Variants in NLRP12 observed in about 807,000 individuals in gnomAD.
NLRP12 encodes NLR family pyrin domain containing 12, also known as NACHT, LRR and PYD domains-containing protein 12.
In NLRP12, 108 loss-of-function variants were observed where a neutral mutation model predicts 91.2. That is an observed-to-expected ratio of 1.18 (90% confidence interval 1.01 to 1.39). The LOEUF (loss-of-function observed/expected upper bound fraction) is 1.39, where lower values mean the gene tolerates loss of function less well. NLRP12 is among the 40% of genes most tolerant of loss of function. The pLI is 0.00. For missense variants in NLRP12, 1,530 were observed against 1,352.7 expected (o/e 1.13, Z -2.06); for synonymous variants, 613 against 566.7 (o/e 1.08, Z -1.16).
At chr19:53,819,660 C>CACGCGTATATATATGT (rs1568696771) in intron 1 of NLRP12, among the ~76,000 whole-genome samples, 1 of 21,136 alleles carries the variant, frequency 4.7e-5, no homozygotes, top group Non-Finnish European at 1.0e-4. Flanking sequence ...TATATATACA[C>CACGCGTATATATATGT]ATGTATACAT....
intron 6 of NLRP12, among the ~76,000 whole-genome samples, chr19:53,803,211 C>T (rs1160215674): frequency 1.3e-5 from 2 of 151,040 alleles, no homozygotes; most frequent in Admixed American, 1.3e-4. Context: ...GACGGAGTTT[C>T]GTTTTTGTTG....
At position 53,801,342 on chromosome 19, in the gene NLRP12, TGA is replaced by T. The variant is rs1342078475; in HGVS notation, c.2639_2640del (p.Leu880GlnfsTer15). The T allele has an allele frequency of 3.1e-6, 5 of 1,613,706 alleles. No homozygotes were observed. In the African/African-American group the frequency reaches 5.3e-5, roughly 17 times the overall value. On this transcript the variant is annotated frameshift_variant, in exon 7 of 10. Coordinates refer to ENST00000324134, the MANE Select transcript of NLRP12 (RefSeq NM_144687.4). LOFTEE classifies it high-confidence loss of function. Reference sequence around the variant, plus strand: ...AGCTCTCTCAGGCTCTGGTTCACACTGAGAGTTGAGGCCAGCTCGTCACAGGC... The same window carrying T: ...AGCTCTCTCAGGCTCTGGTTCACACTGAGTTGAGGCCAGCTCGTCACAGGC... ...AAACDELASTLSVNQSLRELD... is the reference protein window; with the variant it reads ...AAACDELASTXSVNQSLRELD...
At position 53,823,970 on chromosome 19, in the gene NLRP12, C is replaced by T; in HGVS notation, c.205G>A (p.Ala69Thr). 7 of 1,614,206 alleles carry T rather than the reference C, an allele frequency of 4.3e-6. No individual in the cohort carries two copies. Among genetic ancestry groups the T allele is most frequent in the South Asian group, 1.1e-5 (1 of 91,086 alleles). ...LLITHFGPEE[A>T]WRLALSTFER... ...AAGGTGCTGAGAGCCAACCTCCAGG[C>T]CTCCTCTGGCCCGAAGTGGGTGATG... Residue 69 changes from alanine to threonine, a missense_variant, in exon 1 of 10, where the codon GCC becomes ACC. Physicochemically the swap from Ala to Thr is moderately conservative, Grantham distance 58. Transcript: ENST00000324134.
rs1348451513 is a variant in NLRP12, at chr19:53,823,433, TA to T, written c.289+452del. The stretch of plus-strand genomic sequence containing the variant: ...AATATATGTTTTAAATATATATATT[TA>T]AAATATATGTTTTAAATATATATTT... On this transcript the variant is annotated intron_variant, in intron 1 of 9. Transcript: ENST00000324134. Among the ~76,000 whole-genome samples the T allele has an allele frequency of 2.0e-3, 246 of 121,830 alleles. 1 individual carries two copies. Among genetic ancestry groups the T allele is most frequent in the African/African-American group, 7.1e-3 (236 of 33,144 alleles). The allele number at this position is 121,830 out of a possible 152,430, so 79.9% of individuals were successfully genotyped here.
rs762604819 is a variant in NLRP12, at chr19:53,824,150, C to T, written c.25G>A (p.Gly9Ser). MLRTAGRD[G>S]LCRLSTYLEE... ...AAGTAGGTGGACAGGCGACAGAGGC[C>T]GTCCCTGCCTGCGGTTCGTAGCATG... The change falls in exon 1 of 10, where the codon GGC becomes AGC. Residue 9 changes from glycine to serine, a missense_variant. Gly to Ser is a moderately conservative substitution (Grantham distance 56, BLOSUM62 0). Coordinates refer to ENST00000324134, the MANE Select transcript of NLRP12 (RefSeq NM_144687.4). 2.4e-5 allele frequency: 38 copies of T among 1,614,060 alleles called. No homozygotes were observed. In the East Asian group the frequency reaches 4.9e-4, roughly 21 times the overall value.
At chr19:53,805,006 G>A (rs1490114827) in intron 5 of NLRP12, among the ~76,000 whole-genome samples, 1 of 152,068 alleles carries the variant, frequency 6.6e-6, no homozygotes, top group Non-Finnish European at 1.5e-5. Flanking sequence ...CCCCAACTTG[G>A]GCAACATAGC....
intron 2 of NLRP12, among the ~76,000 whole-genome samples, chr19:53,812,919 C>T (rs1440852844): frequency 7.2e-6 from 1 of 138,172 alleles, no homozygotes; most frequent in Non-Finnish European, 1.5e-5. Flanking sequence ...GTTGCTCTGT[C>T]CCCCAGGCTG....
chr19:53,807,781 G>C (rs1028189227), intron 3 of NLRP12, 116 bp from the exon 4 acceptor site: 9 of 1,239,748 alleles, frequency 7.3e-6, no homozygotes, highest in Non-Finnish European at 9.2e-6. Context: ...ACGGAGTTTC[G>C]CTCTTGTTGC....
chr19:53,816,398 G>C (rs2092160218), intron 1 of NLRP12, among the ~76,000 whole-genome samples: 1 of 150,100 alleles, frequency 6.7e-6, no homozygotes. Flanking sequence ...AGTCTCTGTA[G>C]CTTCATGTGA....
At chr19:53,798,145 T>G in intron 8 of NLRP12, 98 bp downstream of exon 8, 1 of 1,289,114 alleles carries the variant, frequency 7.8e-7, no homozygotes, top group Non-Finnish European at 1.1e-6. Flanking sequence ...TCTTTTGTAG[T>G]GAAGCAGGAT....
rs199966186 is a variant in NLRP12 at position 53,807,526 on chromosome 19, T to G, written c.2212A>C (p.Arg738=). ...TTCTGAAGTTTGCAGTTGGGGTGTCTGAGTCCTTGACAGAGCAGCTTCACC... is the reference window on the plus strand; with the variant it reads ...TTCTGAAGTTTGCAGTTGGGGTGTCGGAGTCCTTGACAGAGCAGCTTCACC... ...RGVKLLCQGL[R]HPNCKLQNLR... The change falls in exon 4 of 10, where the codon AGA becomes CGA. Residue 738 remains arginine (R), a synonymous_variant. Transcript: ENST00000324134. 420 of 1,613,948 alleles carry G rather than the reference T, an allele frequency of 2.6e-4. No homozygotes were observed. Among genetic ancestry groups the G allele is most frequent in the Non-Finnish European group, 3.3e-4 (388 of 1,179,990 alleles).
At chr19:53,811,357 C>T (rs2092073481) in intron 2 of NLRP12, 69 bp from the exon 3 acceptor site, 9 of 1,567,572 alleles carry the variant, frequency 5.7e-6, no homozygotes, top group South Asian at 1.1e-5. Context: ...CGAGGTAAAG[C>T]GCTCCTCATG....
chr19:53,798,480 T>C, intron 7 of NLRP12, 67 bp from the exon 8 acceptor site: 2 of 1,514,224 alleles, frequency 1.3e-6, no homozygotes, highest in East Asian at 2.4e-5. Flanking sequence ...GGGAGGGCCC[T>C]GTGCCAAGCC....
At chr19:53,823,498 A>AAAACATATATTTTAAAACATAT (rs1568703260) in intron 1 of NLRP12, among the ~76,000 whole-genome samples, 322 of 56,660 alleles carry the variant, frequency 5.7e-3, no homozygotes, top group Middle Eastern at 0.014. Context: ...AAATATATTT[A>AAAACATATATTTTAAAACATAT]TTTAAAATAT....
rs576336117 is a variant in NLRP12 at position 53,819,611 on chromosome 19, A to G, written c.289+4275T>C. On this transcript the variant is annotated intron_variant, in intron 1 of 9. Transcript: ENST00000324134. ...TATACGTATATACGCATATATATGT[A>G]TGTATACGTATATACGCGTATATAT... 2.0e-4 allele frequency among the ~76,000 whole-genome samples: 15 copies of G among 74,520 alleles called. 1 individual carries two copies. Among genetic ancestry groups the G allele is most frequent in the African/African-American group, 5.0e-4 (10 of 20,078 alleles). The allele number at this position is 74,520 out of a possible 152,430, so 48.9% of individuals were successfully genotyped here. A position where few individuals can be genotyped will look rare whatever the true frequency, so the allele number is the denominator to read the frequency against.
intron 3 of NLRP12, among the ~76,000 whole-genome samples, chr19:53,809,224 T>TAAA (rs3973673): frequency 4.5e-5 from 6 of 133,662 alleles, no homozygotes; most frequent in African/African-American, 1.7e-4. Flanking sequence ...AGACTTAGTT[T>TAAA]AAAAAAAAAA....
At chr19:53,794,861 C>T (rs9783958) in intron 9 of NLRP12, among the ~76,000 whole-genome samples, 1 of 151,436 alleles carries the variant, frequency 6.6e-6, no homozygotes, top group Non-Finnish European at 1.5e-5. Context: ...CCGCTCCCAG[C>T]CGTAAGTTTT....
chr19:53,802,531 C>T (rs1302241201), intron 6 of NLRP12, among the ~76,000 whole-genome samples: 1 of 151,872 alleles, frequency 6.6e-6, no homozygotes, highest in African/African-American at 2.4e-5. Flanking sequence ...CACGGTGAAA[C>T]CCCGTCTCTA....
rs531637211 is a variant in NLRP12 at position 53,801,442 on chromosome 19, C to CTTTTTTTTT, written c.2586-46_2586-45insAAAAAAAAA. 7 of 1,304,868 alleles carry CTTTTTTTTT rather than the reference C, an allele frequency of 5.4e-6. No individual in the cohort carries two copies. The African/African-American group carries it at 7.4e-5, about 14-fold the overall frequency. The allele number at this position is 1,304,868 out of a possible 1,614,324, so 80.8% of individuals were successfully genotyped here. A position where few individuals can be genotyped will look rare whatever the true frequency, so the allele number is the denominator to read the frequency against. On this transcript the variant is annotated intron_variant, in intron 6 of 9. Coordinates refer to ENST00000324134, the MANE Select transcript of NLRP12 (RefSeq NM_144687.4). ...ACAAGCATTATGGAGGCTTTCCTTT[C>CTTTTTTTTT]TTTTTCTTTTTTTTTTTTTTTTTTT...
Sources: allele counts gnomAD v4.1 joint callset (sites outside exome capture counted in the v4.1 genomes callset), GRCh38; gene constraint gnomAD v4.1.1; transcripts MANE v1.5; gene names NCBI Gene and HGNC (gene_info 2026-07-23, HGNC 2026-07-21).